EDARADD: variants seen among roughly 807,000 people sequenced by gnomAD.
EDARADD encodes the protein ectodysplasin-A receptor-associated adapter protein.
A neutral mutation model predicts 25.6 loss-of-function variants in EDARADD; 20 were observed. The observed-to-expected ratio is 0.78, with a 90% CI of 0.55 to 1.14. EDARADD has a LOEUF of 1.14. Ranked by LOEUF, EDARADD falls within the 50% of genes most tolerant of loss-of-function variation. The pLI, the probability that EDARADD is intolerant of heterozygous loss-of-function variation, is 0.00. For synonymous variants in EDARADD, 86 were observed against 94.4 expected, an observed-to-expected ratio of 0.91 and a Z score of 0.52; for missense variants, 225 against 270.1, an observed-to-expected ratio of 0.83 and a Z score of 1.17.
chr1:236,394,625 C>G (rs1031546736), intron 1 of EDARADD, 120 bp downstream of exon 1: 8 of 836,304 alleles, frequency 9.6e-6, no homozygotes, highest in African/African-American at 6.9e-5. Flanking sequence ...TCTTTTTCGA[C>G]CCGACTTTTA....
In EDARADD at chr1:236,364,556, T is replaced by A. The variant is rs554066633; in HGVS notation, c.-6+13717T>A. Among the ~76,000 whole-genome samples, 950 of 152,362 alleles carry A rather than the reference T, an allele frequency of 6.2e-3. 9 individuals carry two copies. The highest frequency in any genetic ancestry group is 0.021 in the African/African-American group (892 of 41,580). On this transcript the variant is annotated intron_variant, in intron 3 of 7. Coordinates refer to the EDARADD transcript ENST00000439430. The stretch of plus-strand genomic sequence containing the variant: ...AGGTATACTTCACCATTTATTCATA[T>A]CTTCTTTAATATAGCTCAGCAATGT...
At chr1:236,434,299 G>A (rs1423193854) in intron 4 of EDARADD, among the ~76,000 whole-genome samples, 2 of 151,834 alleles carry the variant, frequency 1.3e-5, no homozygotes, top group Admixed American at 6.6e-5. Flanking sequence ...GTGCGGTGGT[G>A]TGATCTCAGC....
Position 236,468,212 on chromosome 1 carries a change from GT to G in EDARADD, c.220-17del. On this transcript the variant is annotated intron_variant, in intron 4 of 5. Coordinates refer to ENST00000334232, the MANE Select transcript of EDARADD (RefSeq NM_145861.4). ...ACATTTGGATATGATTTTAATGAAG[GT>G]TGCTTTTTGGTTTTTAGGGAGAAGA... is the stretch of plus-strand genomic sequence containing the variant. The G allele has an allele frequency of 6.2e-7, 1 of 1,611,756 alleles. No homozygotes were observed. Among genetic ancestry groups the G allele is most frequent in the Non-Finnish European group, 8.5e-7 (1 of 1,177,846 alleles).
rs987792153 is a variant in EDARADD at position 236,395,930 on chromosome 1, C to T, written c.61+1425C>T. Among the ~76,000 whole-genome samples the T allele has an allele frequency of 6.6e-6, 1 of 152,218 alleles. No individual in the cohort carries two copies. The highest frequency in any genetic ancestry group is 2.4e-5 in the African/African-American group (1 of 41,466). The stretch of plus-strand genomic sequence containing the variant: ...GCGCGCCTTCCCCCTGCCCATGCCG[C>T]AGCCCCCGTGGCTTTTGTTCTGGAC... On this transcript the variant is annotated intron_variant, in intron 1 of 5. Coordinates refer to ENST00000334232, the MANE Select transcript of EDARADD (RefSeq NM_145861.4). The surrounding 1 kb of genome is among the most constrained non-coding windows in gnomAD (Gnocchi z 6.9).
At chr1:236,367,603 G>A (rs933721434) in intron 3 of EDARADD, among the ~76,000 whole-genome samples, 8 of 152,184 alleles carry the variant, frequency 5.3e-5, no homozygotes, top group African/African-American at 1.7e-4. Flanking sequence ...GGGCTCAAGC[G>A]ATCCTCCAGC....
intron 4 of EDARADD, among the ~76,000 whole-genome samples, chr1:236,454,939 T>C (rs547939222): frequency 3.2e-4 from 49 of 152,144 alleles, no homozygotes; most frequent in African/African-American, 9.9e-4. Flanking sequence ...AGGCCGTGTG[T>C]GGTGGCTCAC....
chr1:236,395,754 C>A lies in EDARADD; in HGVS notation c.61+1249C>A. ...GCAGCAGCCGCAGGGCTATCGAGGCCGGGCCTCGGCGACCCCCGAGGGAGG... is the reference window on the plus strand; with the variant it reads ...GCAGCAGCCGCAGGGCTATCGAGGCAGGGCCTCGGCGACCCCCGAGGGAGG... On this transcript the variant is annotated intron_variant, in intron 1 of 5. Coordinates refer to ENST00000334232, the MANE Select transcript of EDARADD (RefSeq NM_145861.4). The surrounding 1 kb of genome is among the most constrained non-coding windows in gnomAD (Gnocchi z 6.9). 7.0e-7 allele frequency: 1 copy of A among 1,436,604 alleles called. No individual in the cohort carries two copies. The highest frequency in any genetic ancestry group is 1.3e-5 in the South Asian group (1 of 75,290). The allele number at this position is 1,436,604 out of a possible 1,614,324, so 89.0% of individuals were successfully genotyped here.
chr1:236,376,698 G>A (rs912879271), intron 3 of EDARADD, among the ~76,000 whole-genome samples: 1 of 152,078 alleles, frequency 6.6e-6, no homozygotes, highest in East Asian at 1.9e-4. Context: ...TGGATACGTG[G>A]TTTGGTGTCT....
chr1:236,467,084 A>C (rs1659216500), intron 4 of EDARADD, among the ~76,000 whole-genome samples: 2 of 101,274 alleles, frequency 2.0e-5, no homozygotes, highest in South Asian at 5.5e-4. Context: ...CAAAAAAACA[A>C]AAAAAAAACA....
In EDARADD at chr1:236,472,419, G is replaced by T. The variant is rs183290262; in HGVS notation, c.265+4143G>T. Among the ~76,000 whole-genome samples the T allele has an allele frequency of 2.6e-3, 401 of 152,276 alleles. 1 individual carries two copies. The highest frequency in any genetic ancestry group is 3.3e-3 in the Non-Finnish European group (223 of 68,018). On this transcript the variant is annotated intron_variant, in intron 5 of 5. Coordinates refer to ENST00000334232, the MANE Select transcript of EDARADD (RefSeq NM_145861.4). ...CCCAGACTAATTAATCGGGATCTCC[G>T]AGGGTGGGACCACACATCAGGGTTT...
chr1:236,355,842 G>A (rs1666970262), intron 3 of EDARADD, among the ~76,000 whole-genome samples: 1 of 151,982 alleles, frequency 6.6e-6, no homozygotes, highest in South Asian at 2.1e-4. Flanking sequence ...ACAGCTGATT[G>A]CTCCTGTCTT....
chr1:236,483,205 C>CT lies in EDARADD; in HGVS notation c.*557dup. 6.3e-7 allele frequency: 1 copy of CT among 1,581,408 alleles called. No individual in the cohort carries two copies. Among genetic ancestry groups the CT allele is most frequent in the Non-Finnish European group, 8.7e-7 (1 of 1,152,336 alleles). On this transcript the variant is annotated 3_prime_UTR_variant, in exon 6 of 6. Transcript: ENST00000334232. ...ATCCATGCCAGGGAGCTCTTTGACT[C>CT]TCGTGGGAATCCCACTGTTGAGGTT...
Position 236,394,290 on chromosome 1 carries a change from C to A in EDARADD, c.-155C>A. 1 of 783,876 alleles carries A rather than the reference C, an allele frequency of 1.3e-6. No individual in the cohort carries two copies. Among genetic ancestry groups the A allele is most frequent in the Non-Finnish European group, 2.1e-6 (1 of 465,846 alleles). 48.6% of individuals were successfully genotyped at this position (783,876 alleles called of 1,614,324 possible). On this transcript the variant is annotated 5_prime_UTR_variant, in exon 1 of 6. Coordinates refer to ENST00000334232, the MANE Select transcript of EDARADD (RefSeq NM_145861.4). ...TTTCCCTTCCTATCCGAAGGCAGAC[C>A]AAGAGGAAGTTTATCCTCCCACCTA...
At chr1:236,408,285 C>T (rs1667773416) in intron 1 of EDARADD, among the ~76,000 whole-genome samples, 1 of 152,100 alleles carries the variant, frequency 6.6e-6, no homozygotes, top group Admixed American at 6.5e-5. Flanking sequence ...TCACTGCAAC[C>T]TCCACCTCCC....
At chr1:236,458,648 T>A (rs1430246463) in intron 4 of EDARADD, among the ~76,000 whole-genome samples, 2 of 145,520 alleles carry the variant, frequency 1.4e-5, no homozygotes, top group Non-Finnish European at 3.0e-5. Context: ...TTTCTTTTTT[T>A]TTTTTTTTTT....
intron 3 of EDARADD, among the ~76,000 whole-genome samples, chr1:236,418,399 C>T (rs374322032): frequency 4.2e-4 from 64 of 152,052 alleles, no homozygotes; most frequent in African/African-American, 1.3e-3. Flanking sequence ...CGACCACCAC[C>T]ACACCCAGCT....
At chr1:236,458,718 A>C (rs1571948333) in intron 4 of EDARADD, among the ~76,000 whole-genome samples, 1 of 138,646 alleles carries the variant, frequency 7.2e-6, no homozygotes, top group South Asian at 2.2e-4. Context: ...GTCCCAGCTC[A>C]CTGCAACCTT....
intron 4 of EDARADD, among the ~76,000 whole-genome samples, chr1:236,454,907 C>T (rs1658813760): frequency 6.6e-6 from 1 of 152,178 alleles, no homozygotes; most frequent in South Asian, 2.1e-4. Context: ...AAGGGTTGCT[C>T]CTTTCCTTAA....
intron 3 of EDARADD, among the ~76,000 whole-genome samples, chr1:236,354,637 C>T (rs1276081233): frequency 6.6e-6 from 1 of 152,224 alleles, no homozygotes; most frequent in Non-Finnish European, 1.5e-5. Context: ...AATTGTCAGA[C>T]ACTTCCTAAG....
Sources: allele counts gnomAD v4.1 joint callset (sites outside exome capture counted in the v4.1 genomes callset), GRCh38; gene constraint gnomAD v4.1.1; non-coding constraint Gnocchi (gnomAD v3.1); transcripts MANE v1.5; gene names NCBI Gene and HGNC (gene_info 2026-07-23, HGNC 2026-07-21).